SMARCA2: variants seen among roughly 807,000 people sequenced by gnomAD.
SMARCA2 encodes the protein SWI/SNF related BAF chromatin remodeling complex subunit ATPase 2.
In SMARCA2, 61 loss-of-function variants were observed where a neutral mutation model predicts 199.8. The observed-to-expected ratio is 0.31, with a 90% CI of 0.25 to 0.38. The LOEUF is 0.38. SMARCA2 is among the 10% of genes least tolerant of loss of function. SMARCA2 has a pLI of 1.00. For missense variants in SMARCA2, 1,344 were observed against 2,012.2 expected, an observed-to-expected ratio of 0.67 and a Z score of 6.35; for synonymous variants, 935 against 732.0, an observed-to-expected ratio of 1.28 and a Z score of -4.48.
chr9:2,045,421 A>G (rs1008930873), intron 4 of SMARCA2: 8 of 152,180 alleles, frequency 5.3e-5, no homozygotes, highest in Non-Finnish European at 8.8e-5. Flanking sequence ...CAAATGAAAA[A>G]TGTACCTTGT....
In SMARCA2 at chr9:2,070,304, T is replaced by C. The variant is rs2130411252; in HGVS notation, c.1693-114T>C. The C allele has an allele frequency of 7.4e-6, 6 of 814,768 alleles. 1 individual carries two copies. In the South Asian group the frequency reaches 8.6e-5, roughly 12 times the overall value. The allele number at this position is 814,768 out of a possible 1,614,324, so 50.5% of individuals were successfully genotyped here. A position where few individuals can be genotyped will look rare whatever the true frequency, so the allele number is the denominator to read the frequency against. On this transcript the variant is annotated intron_variant, in intron 9 of 33. Transcript: ENST00000349721. ...ATAAAAGGCATTAACACTTAAGCTG[T>C]GTTAGATAATAATGGGGTAACAATG...
At chr9:2,191,458 TGCTG>T in intron 33 of SMARCA2, 50 bp downstream of exon 33, 1 of 1,599,962 alleles carries the variant, frequency 6.3e-7, no homozygotes, top group Non-Finnish European at 8.5e-7. Context: ...CTCCCCTGCT[TGCTG>T]GCCTCTTGCA....
chr9:2,041,310 C>G (rs1819594458), intron 4 of SMARCA2: 1 of 398,532 alleles, frequency 2.5e-6, no homozygotes. Context: ...GGCTTAAAAA[C>G]AGCAAATTTA....
chr9:2,033,220 C>G, intron 3 of SMARCA2, 139 bp downstream of exon 3: 1 of 874,202 alleles, frequency 1.1e-6, no homozygotes, highest in East Asian at 2.6e-5. Flanking sequence ...TTATGGAAAT[C>G]TACCTCCGTC....
chr9:2,119,254 T>C lies in SMARCA2; in HGVS notation c.3685-204T>C, dbSNP rs903221879. On this transcript the variant is annotated intron_variant, in intron 25 of 33. Transcript: ENST00000349721. This position sits in a 1 kb window ranked among gnomAD's most constrained non-coding sequence, Gnocchi z 4.6. ...CATATTTCTTATAGTGGACCACAGT[T>C]TCCTCCCTGAACGGATTTTGCTCTG... Among the ~76,000 whole-genome samples the C allele has an allele frequency of 6.6e-6, 1 of 152,162 alleles. No homozygotes were observed. Among genetic ancestry groups the C allele is most frequent in the Non-Finnish European group, 1.5e-5 (1 of 68,018 alleles).
chr9:2,087,323 A>C, intron 18 of SMARCA2: 1 of 484,244 alleles, frequency 2.1e-6, no homozygotes, highest in Non-Finnish European at 3.7e-6. Flanking sequence ...GCTACCAGAA[A>C]AGGGTCCCAA....
chr9:2,123,671 C>T lies in SMARCA2; in HGVS notation c.3763-48C>T, dbSNP rs572632047. On this transcript the variant is annotated intron_variant, in intron 26 of 33. Coordinates refer to ENST00000349721, the MANE Select transcript of SMARCA2 (RefSeq NM_003070.5). The surrounding 1 kb of genome is among the most constrained non-coding windows in gnomAD (Gnocchi z 4.1). ...GTTGTGTAGTGCTGGGAAGTCTGCA[C>T]CATACAGAAGCCCTGACTTTCGGTG... 2.0e-6 allele frequency: 3 copies of T among 1,533,470 alleles called. No individual in the cohort carries two copies. Among genetic ancestry groups the T allele is most frequent in the African/African-American group, 1.4e-5 (1 of 73,554 alleles). The allele number at this position is 1,533,470 out of a possible 1,614,324, so 95.0% of individuals were successfully genotyped here.
intron 8 of SMARCA2, 126 bp from the exon 9 acceptor site, chr9:2,060,690 C>A: frequency 2.5e-6 from 2 of 790,050 alleles, no homozygotes; most frequent in South Asian, 3.4e-5. Context: ...TTGAACAGCC[C>A]AACTCATCCA....
At chr9:2,121,104 C>G (rs1215363983) in intron 26 of SMARCA2, among the ~76,000 whole-genome samples, 1 of 152,196 alleles carries the variant, frequency 6.6e-6, no homozygotes, top group East Asian at 1.9e-4. Context: ...AGAGGACAAG[C>G]TGCTTGCCAT....
In SMARCA2 at chr9:2,073,200, C is replaced by T. The variant is rs1199556943; in HGVS notation, c.1747-12C>T. On this transcript the variant is annotated splice_polypyrimidine_tract_variant and intron_variant, in intron 10 of 33. Coordinates refer to ENST00000349721, the MANE Select transcript of SMARCA2 (RefSeq NM_003070.5). ...AACATGAAACCGTGACATGATTTTC[C>T]CTCCTTTGTAGCCCATAGATGAGAG... 6.2e-7 allele frequency: 1 copy of T among 1,613,792 alleles called. No individual in the cohort carries two copies.
chr9:2,080,238 C>G (rs1004336064), intron 14 of SMARCA2: 3 of 152,158 alleles, frequency 2.0e-5, no homozygotes, highest in Non-Finnish European at 4.4e-5. Flanking sequence ...CTGAGGTCTT[C>G]CTGCTACTCC....
chr9:2,160,394 G>C (rs1042883719), intron 27 of SMARCA2: 3 of 539,582 alleles, frequency 5.6e-6, no homozygotes, highest in Non-Finnish European at 9.9e-6. Context: ...TTGCACATTG[G>C]AGGATGCGTA....
chr9:2,176,225 T>C (rs1275842081), intron 29 of SMARCA2, among the ~76,000 whole-genome samples: 2 of 147,842 alleles, frequency 1.4e-5, no homozygotes, highest in East Asian at 1.9e-4. Flanking sequence ...ACAAGCATTT[T>C]TTTCTTTAAA....
Position 2,182,207 on chromosome 9 carries a change from C to G in SMARCA2, c.4426C>G (p.His1476Asp). The G allele has an allele frequency of 6.2e-7, 1 of 1,613,520 alleles. No individual in the cohort carries two copies. The highest frequency in any genetic ancestry group is 8.5e-7 in the Non-Finnish European group (1 of 1,179,448). ...GGAGAAGGATGTCATGCTTCTCTGT[C>G]ACAACGCTCAGACGTTCAACCTGGA... ...DLEKDVMLLCHNAQTFNLEGS... is the reference protein window; with the variant it reads ...DLEKDVMLLCDNAQTFNLEGS... Residue 1476 changes from histidine to aspartate, a missense_variant, in exon 31 of 34, where the codon CAC becomes GAC. Coordinates refer to ENST00000349721, the MANE Select transcript of SMARCA2 (RefSeq NM_003070.5).
intron 1 of SMARCA2, among the ~76,000 whole-genome samples, chr9:2,028,781 G>A (rs906202093): frequency 1.3e-5 from 2 of 152,158 alleles, no homozygotes; most frequent in Non-Finnish European, 1.5e-5. Flanking sequence ...ATCATTTAGT[G>A]TGTGTGTTTT....
At chr9:2,151,011 G>A (rs562189205) in intron 27 of SMARCA2, among the ~76,000 whole-genome samples, 9 of 151,696 alleles carry the variant, frequency 5.9e-5, no homozygotes, top group African/African-American at 1.9e-4. Context: ...GGACCTCAAC[G>A]TATGAATTTT....
At chr9:2,175,726 T>G (rs1307399780) in intron 29 of SMARCA2, among the ~76,000 whole-genome samples, 1 of 152,238 alleles carries the variant, frequency 6.6e-6, no homozygotes, top group East Asian at 1.9e-4. Context: ...TCATAAATCT[T>G]CATTTTGGTG....
intron 22 of SMARCA2, among the ~76,000 whole-genome samples, 192 bp downstream of exon 22, chr9:2,101,808 G>T (rs553093680): frequency 6.6e-6 from 1 of 152,286 alleles, no homozygotes; most frequent in Non-Finnish European, 1.5e-5. Context: ...CTTGCCTTAA[G>T]CAAGTGGCTA....
intron 27 of SMARCA2, chr9:2,160,715 A>G (rs1230050646): frequency 3.3e-6 from 2 of 599,254 alleles, no homozygotes; most frequent in Admixed American, 4.8e-5. Context: ...AGGAACAAAT[A>G]ACAACATTAG....
Sources: gnomAD v4.1 joint callset for allele counts (sites outside exome capture counted in the v4.1 genomes callset) on GRCh38, gnomAD v4.1.1 for gene constraint, Gnocchi (gnomAD v3.1) non-coding constraint, MANE v1.5 for transcripts, NCBI Gene and HGNC (gene_info 2026-07-23, HGNC 2026-07-21) for gene names.